WDR7: variants seen among roughly 807,000 people sequenced by gnomAD.
WDR7 encodes WD repeat-containing protein 7.
A neutral mutation model predicts 169.4 loss-of-function variants in WDR7; 46 were observed. That is an observed-to-expected ratio of 0.27 (90% CI 0.21 to 0.35). WDR7 has a LOEUF of 0.35. Ranked by LOEUF, WDR7 falls within the 10% of genes least tolerant of loss-of-function variation. The pLI is 1.00. For synonymous variants in WDR7, 612 were observed against 666.8 expected, an observed-to-expected ratio of 0.92 and a Z score of 1.27; for missense variants, 1,534 against 1,859.3, an observed-to-expected ratio of 0.83 and a Z score of 3.22.
chr18:57,003,334 AT>A (rs2048009291), intron 26 of WDR7, among the ~76,000 whole-genome samples: 1 of 152,170 alleles, frequency 6.6e-6, no homozygotes, highest in Non-Finnish European at 1.5e-5. Context: ...TACTAAAAAA[AT>A]ACAAAAAAGG....
At chr18:56,776,950 C>A in intron 17 of WDR7, 70 bp downstream of exon 17, 1 of 1,355,090 alleles carries the variant, frequency 7.4e-7, no homozygotes, top group Non-Finnish European at 1.1e-6. Flanking sequence ...TTCTTTTTAT[C>A]TGAGTTACAC....
intron 7 of WDR7, 139 bp downstream of exon 7, chr18:56,687,113 C>T (rs2144597758): frequency 1.2e-6 from 1 of 868,072 alleles, no homozygotes. Context: ...TTTGATATCA[C>T]ATTTTGAGAA....
intron 5 of WDR7, 62 bp downstream of exon 5, chr18:56,682,915 C>T: frequency 6.7e-7 from 1 of 1,487,976 alleles, no homozygotes; most frequent in Non-Finnish European, 9.2e-7. Context: ...TTTACTAGAA[C>T]ATTCTACAAT....
At chr18:56,889,646 T>C (rs2046239307) in intron 21 of WDR7, among the ~76,000 whole-genome samples, 1 of 152,206 alleles carries the variant, frequency 6.6e-6, no homozygotes, top group Admixed American at 6.5e-5. Flanking sequence ...GTACGAAGCC[T>C]GGACTGAAAC....
At chr18:56,746,086 T>G (rs1002716315) in intron 14 of WDR7, among the ~76,000 whole-genome samples, 49 of 152,194 alleles carry the variant, frequency 3.2e-4, no homozygotes, top group African/African-American at 1.2e-3. Context: ...TAACCTTGAA[T>G]AGAAATATAT....
At chr18:56,771,567 AC>A (rs74182160) in intron 16 of WDR7, among the ~76,000 whole-genome samples, 1,748 of 71,596 alleles carry the variant, frequency 0.024, 12 homozygotes, top group East Asian at 0.092. Context: ...ACCCTCCCCC[AC>A]CCCCCCCCAA....
intron 8 of WDR7, 27 bp from the exon 9 acceptor site, chr18:56,691,688 T>A (rs776487036): frequency 6.3e-7 from 1 of 1,577,042 alleles, no homozygotes; most frequent in Admixed American, 1.8e-5. Context: ...GTATTTTAAT[T>A]GAATATTGTA....
intron 22 of WDR7, among the ~76,000 whole-genome samples, chr18:56,924,844 G>A (rs1025997482): frequency 1.3e-5 from 2 of 152,160 alleles, no homozygotes; most frequent in Non-Finnish European, 2.9e-5. Flanking sequence ...GTGGCATTAA[G>A]TATAATCACA....
At chr18:56,815,606 C>G (rs1458279611) in intron 19 of WDR7, among the ~76,000 whole-genome samples, 1 of 152,182 alleles carries the variant, frequency 6.6e-6, no homozygotes, top group African/African-American at 2.4e-5. Context: ...ACAAATTCTT[C>G]TGTCTTCATC....
Position 56,696,400 on chromosome 18 carries a change from C to T in WDR7, c.1516C>T (p.His506Tyr), listed in dbSNP as rs1412900226. The stretch of plus-strand genomic sequence containing the variant: ...GGACATATTTTCTGGAGAAATGAAA[C>T]ATATCTTCTGTGTTCATGGTGGTGA... ...IWDIFSGEMK[H>Y]IFCVHGGEIT... The change falls in exon 12 of 28, where the codon CAT becomes TAT. Residue 506 changes from histidine (H) to tyrosine (Y), a missense_variant. Physicochemically the swap from His to Tyr is moderately conservative, Grantham distance 83. Transcript: ENST00000254442. 7.4e-6 allele frequency: 12 copies of T among 1,613,972 alleles called. No homozygotes were observed. Among genetic ancestry groups the T allele is most frequent in the African/African-American group, 1.3e-5 (1 of 74,902 alleles).
chr18:57,012,932 A>G (rs957079842), intron 26 of WDR7, among the ~76,000 whole-genome samples: 12 of 152,200 alleles, frequency 7.9e-5, no homozygotes, highest in African/African-American at 2.2e-4. Flanking sequence ...AAAGATTAAA[A>G]AGTTTATGTA....
chr18:56,655,637 A>AAAC (rs3062373), intron 1 of WDR7, among the ~76,000 whole-genome samples: 3 of 139,594 alleles, frequency 2.1e-5, no homozygotes, highest in African/African-American at 7.5e-5. Context: ...AAAAAAAAAA[A>AAAC]GAGGAAGAAG....
intron 25 of WDR7, among the ~76,000 whole-genome samples, chr18:56,960,813 T>C (rs1372239260): frequency 1.3e-5 from 2 of 152,164 alleles, no homozygotes; most frequent in Admixed American, 1.3e-4. Flanking sequence ...TTTGAGAAAC[T>C]AGCTTTTTCC....
chr18:56,991,209 C>T (rs183151760), intron 26 of WDR7, among the ~76,000 whole-genome samples: 5 of 140,048 alleles, frequency 3.6e-5, no homozygotes, highest in Admixed American at 3.2e-4. Flanking sequence ...TGAAGTGGCA[C>T]GATCGCGGCT....
At chr18:56,795,597 C>G in intron 19 of WDR7, among the ~76,000 whole-genome samples, 1 of 152,158 alleles carries the variant, frequency 6.6e-6, no homozygotes, top group East Asian at 1.9e-4. Context: ...AATACACACA[C>G]AACAGTTTGG....
chr18:56,795,246 T>G (rs1040606535), intron 19 of WDR7, among the ~76,000 whole-genome samples: 2 of 152,184 alleles, frequency 1.3e-5, no homozygotes, highest in Non-Finnish European at 2.9e-5. Flanking sequence ...CCTGGTAATC[T>G]TTGGTAGCCT....
chr18:56,708,046 T>C (rs2026000006), intron 12 of WDR7, among the ~76,000 whole-genome samples: 1 of 150,684 alleles, frequency 6.6e-6, no homozygotes. Flanking sequence ...TTTTTTTTTT[T>C]TTTCTGAGAC....
chr18:56,940,290 G>A (rs1376702436), intron 25 of WDR7, among the ~76,000 whole-genome samples: 4 of 152,114 alleles, frequency 2.6e-5, no homozygotes, highest in Non-Finnish European at 4.4e-5. Context: ...TTTCCTGAGA[G>A]CAATGGCATT....
intron 7 of WDR7, among the ~76,000 whole-genome samples, chr18:56,689,971 C>T (rs1202984029): frequency 6.6e-6 from 1 of 151,966 alleles, no homozygotes; most frequent in Non-Finnish European, 1.5e-5. Context: ...GTTCTAACTT[C>T]AAGGCTGTAT....
Sources: allele counts gnomAD v4.1 joint callset (sites outside exome capture counted in the v4.1 genomes callset), GRCh38; gene constraint gnomAD v4.1.1; transcripts MANE v1.5; gene names NCBI Gene and HGNC (gene_info 2026-07-23, HGNC 2026-07-21).